HMCN1: variants seen among roughly 807,000 people sequenced by gnomAD.
HMCN1 encodes the protein hemicentin-1.
Under a neutral mutation model 625.9 loss-of-function variants are expected in HMCN1, and 321 were observed. That is an observed-to-expected ratio of 0.51 (90% CI 0.47 to 0.56). HMCN1 has a LOEUF of 0.56. Ranked by LOEUF, HMCN1 falls within the 20% of genes least tolerant of loss-of-function variation. The probability of loss-of-function intolerance (pLI) is 0.00; values close to 1 mark genes in which losing one functional copy is unlikely to be tolerated. For synonymous variants in HMCN1, 2,425 were observed against 2,417.6 expected (o/e 1.00, Z -0.09); for missense variants, 6,588 against 6,887.3 (o/e 0.96, Z 1.54).
At chr1:185,917,123 G>T (rs1182092110) in intron 6 of HMCN1, among the ~76,000 whole-genome samples, 3 of 152,014 alleles carry the variant, frequency 2.0e-5, no homozygotes, top group Non-Finnish European at 4.4e-5. Context: ...TGGGAGCTAG[G>T]AATCAGCTAT....
intron 35 of HMCN1, 31 bp from the exon 36 acceptor site, chr1:186,022,999 A>C (rs1194270083): frequency 6.2e-7 from 1 of 1,610,578 alleles, no homozygotes; most frequent in East Asian, 2.2e-5. Context: ...ATAAGATACA[A>C]AAATCCTCTG....
intron 11 of HMCN1, among the ~76,000 whole-genome samples, chr1:185,947,719 T>G (rs1668417557): frequency 6.6e-6 from 1 of 152,210 alleles, no homozygotes; most frequent in Non-Finnish European, 1.5e-5. Context: ...TTTTTTCTCT[T>G]TGGAAGAAAT....
chr1:185,843,338 G>C lies in HMCN1; in HGVS notation c.269-2688G>C, dbSNP rs372170053. 1.2e-3 allele frequency among the ~76,000 whole-genome samples: 186 copies of C among 152,278 alleles called. 1 individual carries two copies. The highest frequency in any genetic ancestry group is 1.6e-3 in the African/African-American group (65 of 41,566). The stretch of plus-strand genomic sequence containing the variant: ...GTACGTCGGCAGGAGAAAGAAAAGG[G>C]GGACAGTGATGGGAATGGTAAGGAA... On this transcript the variant is annotated intron_variant, in intron 1 of 106. Transcript: ENST00000271588.
rs1191817622 is a variant in HMCN1, at chr1:186,017,053, C to T, written c.5282C>T (p.Ser1761Phe). 3 of 1,595,722 alleles carry T rather than the reference C, an allele frequency of 1.9e-6. No individual in the cohort carries two copies. Among genetic ancestry groups the T allele is most frequent in the South Asian group, 1.1e-5 (1 of 90,752 alleles). Residue 1761 changes from serine to phenylalanine, a missense_variant, in exon 33 of 107, where the codon TCT (serine) becomes TTT (phenylalanine). Ser to Phe is a radical substitution (Grantham distance 155). This residue lies in a region of HMCN1 where 4,628 missense variants were observed against 4,853.1 expected (regional missense o/e 0.95). Transcript: ENST00000271588. ...GAGCTAGATTGTCATGTGACAGGCTCTCCCCCACCAACTATCATGTAAGGG... is the reference window on the plus strand; with the variant it reads ...GAGCTAGATTGTCATGTGACAGGCTTTCCCCCACCAACTATCATGTAAGGG... ...LLELDCHVTG[S>F]PPPTIMWLKD...
rs749757903 is a variant in HMCN1, at chr1:186,093,236, A to C, written c.9990A>C (p.Arg3330=). 1 of 1,613,362 alleles carries C rather than the reference A, an allele frequency of 6.2e-7. No homozygotes were observed. Among genetic ancestry groups the C allele is most frequent in the Non-Finnish European group, 8.5e-7 (1 of 1,179,582 alleles). ...VATNPAGEED[R]IFNLNVYVTP... is the part of the protein sequence containing the mutation. The stretch of plus-strand genomic sequence containing the variant: ...CTAATCCCGCTGGAGAAGAAGACCG[A>C]ATTTTTAACTTGAATGTCTATGGTA... Residue 3330 remains arginine, a synonymous_variant, in exon 65 of 107, where the codon CGA becomes CGC. Transcript: ENST00000271588.
intron 35 of HMCN1, among the ~76,000 whole-genome samples, chr1:186,021,408 C>G (rs1180477900): frequency 6.6e-6 from 1 of 151,938 alleles, no homozygotes; most frequent in Non-Finnish European, 1.5e-5. Flanking sequence ...AGTATATGGT[C>G]TTGGAGCTCA....
intron 86 of HMCN1, among the ~76,000 whole-genome samples, chr1:186,135,071 C>T (rs1571401033): frequency 6.6e-6 from 1 of 152,146 alleles, no homozygotes; most frequent in Non-Finnish European, 1.5e-5. Context: ...GTTCAAATAA[C>T]CTTACTTATT....
At chr1:186,131,733 A>C (rs1031968762) in intron 85 of HMCN1, among the ~76,000 whole-genome samples, 1 of 152,152 alleles carries the variant, frequency 6.6e-6, no homozygotes, top group African/African-American at 2.4e-5. Flanking sequence ...TAGTCACCAA[A>C]TTGAAATTTA....
At chr1:186,102,965 AC>A (rs1190547419) in intron 68 of HMCN1, among the ~76,000 whole-genome samples, 84 of 152,288 alleles carry the variant, frequency 5.5e-4, no homozygotes, top group African/African-American at 1.9e-3. Flanking sequence ...TGTGTTTTAT[AC>A]AGAAATTATC....
chr1:186,110,222 T>C (rs1660812625), intron 71 of HMCN1, among the ~76,000 whole-genome samples: 1 of 152,182 alleles, frequency 6.6e-6, no homozygotes, highest in South Asian at 2.1e-4. Flanking sequence ...ATCATCATGG[T>C]ATAATCTCTT....
chr1:185,963,753 GT>G lies in HMCN1; in HGVS notation c.1971-9del. 1 of 1,567,878 alleles carries G rather than the reference GT, an allele frequency of 6.4e-7. No individual in the cohort carries two copies. The highest frequency in any genetic ancestry group is 8.8e-7 in the Non-Finnish European group (1 of 1,139,072). ...GCATTTTCAATTTTATATTCTTTTT[GT>G]TTTTTATTCATAGGTATAGGATGAC... On this transcript the variant is annotated splice_polypyrimidine_tract_variant and intron_variant, in intron 12 of 106. Transcript: ENST00000271588.
At chr1:186,101,967 G>C (rs955126611) in intron 68 of HMCN1, among the ~76,000 whole-genome samples, 1 of 152,124 alleles carries the variant, frequency 6.6e-6, no homozygotes, top group Non-Finnish European at 1.5e-5. Flanking sequence ...CAATGTAACC[G>C]TGATGGTACT....
chr1:186,118,347 A>G (rs1202060903), intron 77 of HMCN1, among the ~76,000 whole-genome samples: 1 of 152,162 alleles, frequency 6.6e-6, no homozygotes, highest in Non-Finnish European at 1.5e-5. Context: ...ATAGTGGAAA[A>G]TGTGTTCCCA....
At chr1:185,898,441 G>A (rs1665613152) in intron 4 of HMCN1, among the ~76,000 whole-genome samples, 1 of 152,034 alleles carries the variant, frequency 6.6e-6, no homozygotes, top group African/African-American at 2.4e-5. Context: ...AACAGCAAAA[G>A]TAACAATGCC....
Position 186,145,885 on chromosome 1 carries a change from C to A in HMCN1, c.14570C>A (p.Thr4857Asn), listed in dbSNP as rs199954261. 8 of 1,613,912 alleles carry A rather than the reference C, an allele frequency of 5.0e-6. No individual in the cohort carries two copies. The highest frequency in any genetic ancestry group is 6.8e-6 in the Non-Finnish European group (8 of 1,180,010). ...GGTGGCCGTCCCTGTCCCGGAGACACTACTCAGGTGACCAGGTGCAATGTA... is the reference window on the plus strand; with the variant it reads ...GGTGGCCGTCCCTGTCCCGGAGACAATACTCAGGTGACCAGGTGCAATGTA... Reference protein sequence around the residue: ...VKGGRPCPGDTTQVTRCNVQA... With the variant: ...VKGGRPCPGDNTQVTRCNVQA... The change falls in exon 93 of 107, where the codon ACT becomes AAT. Residue 4857 changes from threonine to asparagine, a missense_variant. By Grantham distance (65) the Thr-to-Asn change is moderately conservative. This residue lies in a region of HMCN1 where 1,954 missense variants were observed against 2,013.1 expected (regional missense o/e 0.97). Coordinates refer to ENST00000271588, the MANE Select transcript of HMCN1 (RefSeq NM_031935.3).
intron 24 of HMCN1, 126 bp downstream of exon 24, chr1:185,995,213 C>T (rs1652705365): frequency 1.2e-6 from 1 of 847,274 alleles, no homozygotes; most frequent in Admixed American, 2.2e-5. Flanking sequence ...ACTTTTGTGA[C>T]TCTTTAACTT....
At position 186,053,889 on chromosome 1, in the gene HMCN1, A is replaced by T. The variant is rs1435328655; in HGVS notation, c.6765A>T (p.Gln2255His). Residue 2255 changes from glutamine (Q) to histidine (H), a missense_variant, in exon 44 of 107, where the codon CAA becomes CAT. By Grantham distance (24) the Gln-to-His change is conservative. This residue lies in a region of HMCN1 where 4,628 missense variants were observed against 4,853.1 expected (regional missense o/e 0.95). Coordinates refer to ENST00000271588, the MANE Select transcript of HMCN1 (RefSeq NM_031935.3). ...TTTTATCTGGGGGCAGGCAATTACA[A>T]ATTTCAATTGCTGAAAAGTCTGATG... is the stretch of plus-strand genomic sequence containing the variant. ...VRILSGGRQL[Q>H]ISIAEKSDAA... 1 of 1,612,752 alleles carries T rather than the reference A, an allele frequency of 6.2e-7. No homozygotes were observed. Among genetic ancestry groups the T allele is most frequent in the Admixed American group, 1.7e-5 (1 of 59,826 alleles).
At chr1:186,180,666 G>A (rs1280491010) in intron 104 of HMCN1, among the ~76,000 whole-genome samples, 1 of 152,132 alleles carries the variant, frequency 6.6e-6, no homozygotes, top group Non-Finnish European at 1.5e-5. Context: ...GTCTTCCTCA[G>A]ACAGTCATCT....
At chr1:185,923,336 T>C (rs1667091602) in intron 7 of HMCN1, 54 bp from the exon 8 acceptor site, 3 of 1,351,258 alleles carry the variant, frequency 2.2e-6, no homozygotes, top group Admixed American at 1.7e-5. Context: ...TTATTTGATA[T>C]ATAACTTCAA....
Sources: gnomAD v4.1 joint callset for allele counts (sites outside exome capture counted in the v4.1 genomes callset) on GRCh38, gnomAD v4.1.1 for gene constraint, gnomAD v4.1.1 regional missense constraint, MANE v1.5 for transcripts, NCBI Gene and HGNC (gene_info 2026-07-23, HGNC 2026-07-21) for gene names.